The following APBA2 variants were observed in gnomAD, a reference collection of about 807,000 sequenced individuals.
APBA2 encodes the protein amyloid-beta A4 precursor protein-binding family A member 2.
In APBA2, 30 loss-of-function variants were observed where a neutral mutation model predicts 75.0. The ratio of observed to expected loss-of-function variants is 0.40; its 90% CI spans 0.30 to 0.54. The LOEUF (loss-of-function observed/expected upper bound fraction) is 0.54, where lower values mean the gene tolerates loss of function less well. Ranked by LOEUF, APBA2 falls within the 20% of genes least tolerant of loss-of-function variation. The pLI, the probability that APBA2 is intolerant of heterozygous loss-of-function variation, is 0.49. For synonymous variants in APBA2, 444 were observed against 409.6 expected (o/e 1.08, Z -1.01); for missense variants, 801 against 1,016.1 (o/e 0.79, Z 2.88).
At chr15:29,106,891 T>G in intron 12 of APBA2, 72 bp downstream of exon 12, 19 of 1,406,878 alleles carry the variant, frequency 1.4e-5, no homozygotes, top group Non-Finnish European at 1.9e-5. Flanking sequence ...TTTGCTGCAA[T>G]CCCCACTTCA....
chr15:28,963,884 AATGTATGT>A (rs1403868956), intron 2 of APBA2, among the ~76,000 whole-genome samples: 3 of 152,126 alleles, frequency 2.0e-5, no homozygotes, highest in Admixed American at 6.5e-5. Flanking sequence ...CAGTAGTTAT[AATGTATGT>A]ATGTGTGTGT....
Position 29,016,795 on chromosome 15 carries a change from C to T in APBA2, c.-41+20989C>T, listed in dbSNP as rs192422023. On this transcript the variant is annotated intron_variant, in intron 3 of 14. Transcript: ENST00000683413. Reference sequence around the variant, plus strand: ...TGGTGTCTGGGCTTTTCTTTCCCCTCCCTTCCTTCTTTGCCTGCTTCTCCT... The same window carrying T: ...TGGTGTCTGGGCTTTTCTTTCCCCTTCCTTCCTTCTTTGCCTGCTTCTCCT... Among the ~76,000 whole-genome samples the T allele has an allele frequency of 1.3e-5, 2 of 152,238 alleles. 1 individual carries two copies. The highest frequency in any genetic ancestry group is 1.3e-4 in the Admixed American group (2 of 15,296).
intron 4 of APBA2, among the ~76,000 whole-genome samples, chr15:29,066,233 C>A (rs1026884968): frequency 6.6e-6 from 1 of 152,128 alleles, no homozygotes; most frequent in Non-Finnish European, 1.5e-5. Context: ...AGCCATTCCC[C>A]AGTCCTCAAA....
chr15:28,931,155 C>T (rs561451903), intron 2 of APBA2, among the ~76,000 whole-genome samples: 31 of 152,356 alleles, frequency 2.0e-4, no homozygotes, highest in East Asian at 3.9e-4. Context: ...TCTGGTACCC[C>T]GTAGGCCAGA....
chr15:28,966,126 A>G (rs1447000958), intron 2 of APBA2, among the ~76,000 whole-genome samples: 5 of 152,036 alleles, frequency 3.3e-5, no homozygotes. Flanking sequence ...GATATGGTCT[A>G]TCTGAGTGTA....
chr15:28,924,088 G>C (rs1390025861), intron 2 of APBA2, among the ~76,000 whole-genome samples: 1 of 152,210 alleles, frequency 6.6e-6, no homozygotes, highest in Non-Finnish European at 1.5e-5. Flanking sequence ...TGCTGTGACA[G>C]TGTCCCACGA....
At chr15:28,945,470 T>C (rs1033766847) in intron 2 of APBA2, among the ~76,000 whole-genome samples, 1 of 151,956 alleles carries the variant, frequency 6.6e-6, no homozygotes, top group South Asian at 2.1e-4. Context: ...GTTTTGTGTG[T>C]TTAGGGTTAT....
At chr15:28,960,997 G>T (rs2036440053) in intron 2 of APBA2, among the ~76,000 whole-genome samples, 1 of 152,070 alleles carries the variant, frequency 6.6e-6, no homozygotes, top group Non-Finnish European at 1.5e-5. Context: ...GACCTCAGGT[G>T]ATTCACCTGC....
Position 29,106,707 on chromosome 15 carries a change from A to G in APBA2, c.1805A>G (p.Asn602Ser). ...ACGGTGATCCTGGCCAACATGATGA[A>G]TGGCGGCCCGGCTGCCCGCTCGGGG... Reference protein sequence around the residue: ...LPTVILANMMNGGPAARSGKL... With the variant: ...LPTVILANMMSGGPAARSGKL... The change falls in exon 12 of 15, where the codon AAT becomes AGT. Residue 602 changes from asparagine (N) to serine (S), a missense_variant. By Grantham distance (46) the Asn-to-Ser change is conservative (BLOSUM62 1). Coordinates refer to ENST00000683413, the MANE Select transcript of APBA2 (RefSeq NM_001353788.2). 6.2e-7 allele frequency: 1 copy of G among 1,612,996 alleles called. No individual in the cohort carries two copies. Among genetic ancestry groups the G allele is most frequent in the Non-Finnish European group, 8.5e-7 (1 of 1,179,986 alleles).
intron 3 of APBA2, among the ~76,000 whole-genome samples, chr15:28,998,718 A>G (rs1439381746): frequency 6.6e-6 from 1 of 152,210 alleles, no homozygotes; most frequent in Non-Finnish European, 1.5e-5. Flanking sequence ...ATGTATAGGA[A>G]GCCAGGAGGT....
rs567215854 is a variant in APBA2 at position 29,111,914 on chromosome 15, C to T, written c.2038-1962C>T. 5.5e-4 allele frequency among the ~76,000 whole-genome samples: 84 copies of T among 152,290 alleles called. 2 individuals carry two copies. In the South Asian group the frequency reaches 0.017, roughly 30 times the overall value. On this transcript the variant is annotated intron_variant, in intron 13 of 14. Transcript: ENST00000683413. Reference sequence around the variant, plus strand: ...GCTGGCTACTCTGGTCCAAGCCCCTCGTCCCTCACAGCGTGCTCAGGATAG... The same window carrying T: ...GCTGGCTACTCTGGTCCAAGCCCCTTGTCCCTCACAGCGTGCTCAGGATAG...
chr15:29,045,814 G>T (rs1043143299), intron 3 of APBA2, among the ~76,000 whole-genome samples: 1 of 152,178 alleles, frequency 6.6e-6, no homozygotes, highest in African/African-American at 2.4e-5. Context: ...AAAACAGATT[G>T]TAGTCCTTGT....
rs1475670291 is a variant in APBA2, at chr15:29,054,147, A to C, written c.263A>C (p.Glu88Ala). ...NNTSEEEDYD[E>A]GLPEEEEGIT... is the part of the protein sequence containing the mutation. ...ACCTCTGAGGAGGAGGACTATGACG[A>C]GGGCCTCCCTGAGGAGGAGGAGGGC... Residue 88 changes from glutamate to alanine, a missense_variant, in exon 4 of 15, where the codon GAG becomes GCG. By Grantham distance (107) the Glu-to-Ala change is moderately radical. Transcript: ENST00000683413. The surrounding 1 kb of genome is among the most constrained non-coding windows in gnomAD (Gnocchi z 6.1). 6.2e-7 allele frequency: 1 copy of C among 1,614,154 alleles called. No individual in the cohort carries two copies. The highest frequency in any genetic ancestry group is 2.2e-5 in the East Asian group (1 of 44,860).
intron 5 of APBA2, among the ~76,000 whole-genome samples, chr15:29,075,688 C>T (rs1018522787): frequency 3.3e-5 from 5 of 152,194 alleles, no homozygotes; most frequent in African/African-American, 9.6e-5. Flanking sequence ...GATGAAATAA[C>T]GATGGCCACC....
At chr15:28,977,130 T>G (rs909650649) in intron 2 of APBA2, 2 of 142,798 alleles carry the variant, frequency 1.4e-5, no homozygotes, top group Non-Finnish European at 2.9e-5. Flanking sequence ...ATAGATTAGT[T>G]TAGAGAACAC....
intron 2 of APBA2, among the ~76,000 whole-genome samples, chr15:28,935,166 G>T (rs1434378096): frequency 2.0e-5 from 3 of 152,192 alleles, no homozygotes; most frequent in East Asian, 1.9e-4. Flanking sequence ...TTTTATGCTG[G>T]TTGATACTCC....
intron 1 of APBA2, among the ~76,000 whole-genome samples, chr15:28,897,242 C>T (rs971495164): frequency 6.6e-6 from 1 of 151,768 alleles, no homozygotes; most frequent in Non-Finnish European, 1.5e-5. Flanking sequence ...AAGTACTCCA[C>T]TCCATTAGTC....
chr15:28,982,762 C>G (rs1405372614), intron 2 of APBA2, among the ~76,000 whole-genome samples: 2 of 152,166 alleles, frequency 1.3e-5, no homozygotes, highest in African/African-American at 2.4e-5. Context: ...TTCAAGGACA[C>G]GTTGATGATG....
chr15:28,915,869 A>G (rs1409329720), intron 1 of APBA2, among the ~76,000 whole-genome samples: 1 of 150,648 alleles, frequency 6.6e-6, no homozygotes, highest in East Asian at 2.0e-4. Flanking sequence ...ACCCTCCAGG[A>G]CACCCCCCAC....
Sources: gnomAD v4.1 joint callset for allele counts (sites outside exome capture counted in the v4.1 genomes callset) on GRCh38, gnomAD v4.1.1 for gene constraint, Gnocchi (gnomAD v3.1) non-coding constraint, MANE v1.5 for transcripts, NCBI Gene and HGNC (gene_info 2026-07-23, HGNC 2026-07-21) for gene names.